Variants in CNBD1 observed in about 807,000 individuals in gnomAD.
CNBD1 encodes cyclic nucleotide-binding domain-containing protein 1.
CNBD1 carries 71 observed loss-of-function variants against 54.4 expected under a neutral mutation model. That is an observed-to-expected ratio of 1.30 (90% CI 1.08 to 1.59). CNBD1 has a LOEUF of 1.59. Ranked by LOEUF, CNBD1 falls within the 40% of genes most tolerant of loss-of-function variation. The pLI is 0.00. For synonymous variants in CNBD1, 182 were observed against 170.7 expected, an observed-to-expected ratio of 1.07 and a Z score of -0.51; for missense variants, 659 against 518.0, an observed-to-expected ratio of 1.27 and a Z score of -2.64.
At chr8:87,254,621 T>G (rs1807976042) in intron 6 of CNBD1, among the ~76,000 whole-genome samples, 1 of 152,134 alleles carries the variant, frequency 6.6e-6, no homozygotes, top group Non-Finnish European at 1.5e-5. Context: ...AACAAAGATA[T>G]GGATAATTTG....
At chr8:87,327,459 C>A (rs1482517696) in intron 8 of CNBD1, among the ~76,000 whole-genome samples, 1 of 152,218 alleles carries the variant, frequency 6.6e-6, no homozygotes, top group Non-Finnish European at 1.5e-5. Flanking sequence ...CAGCGAGATT[C>A]CGTGGGCGTA....
intron 6 of CNBD1, among the ~76,000 whole-genome samples, chr8:87,259,608 A>T (rs1309230524): frequency 6.6e-6 from 1 of 152,198 alleles, no homozygotes; most frequent in African/African-American, 2.4e-5. Flanking sequence ...TTTTATATAA[A>T]CATTACATAC....
chr8:86,906,748 A>G (rs985420060), intron 3 of CNBD1, among the ~76,000 whole-genome samples: 1 of 152,188 alleles, frequency 6.6e-6, no homozygotes, highest in Non-Finnish European at 1.5e-5. Flanking sequence ...CTGCTTCTTT[A>G]GTTAAGACAT....
intron 2 of CNBD1, among the ~76,000 whole-genome samples, chr8:87,418,708 A>G (rs898795631): frequency 1.3e-5 from 2 of 151,988 alleles, no homozygotes; most frequent in Non-Finnish European, 2.9e-5. Flanking sequence ...TGATTTAAAT[A>G]CAAATTTCTT....
intron 4 of CNBD1, among the ~76,000 whole-genome samples, chr8:87,025,128 A>G (rs1432949121): frequency 6.6e-6 from 1 of 152,138 alleles, no homozygotes; most frequent in Non-Finnish European, 1.5e-5. Context: ...TAAATGCACC[A>G]ATCAGCGCTC....
intron 8 of CNBD1, among the ~76,000 whole-genome samples, chr8:87,332,409 G>C (rs529294524): frequency 6.6e-6 from 1 of 151,412 alleles, no homozygotes; most frequent in Non-Finnish European, 1.5e-5. Flanking sequence ...CAGTTTTAGC[G>C]TTTGTTGTAA....
chr8:87,270,294 T>A (rs1394799526), intron 6 of CNBD1, among the ~76,000 whole-genome samples: 1 of 151,880 alleles, frequency 6.6e-6, no homozygotes, highest in Non-Finnish European at 1.5e-5. Context: ...CATTAAAAAG[T>A]AGGCAAAGGA....
intron 10 of CNBD1, among the ~76,000 whole-genome samples, chr8:87,373,930 T>C (rs1810871823): frequency 1.3e-5 from 2 of 151,930 alleles, no homozygotes; most frequent in South Asian, 4.1e-4. Context: ...AATATTTGTA[T>C]TGCAAAATAT....
chr8:87,324,692 C>G (rs1378985629), intron 8 of CNBD1, among the ~76,000 whole-genome samples: 2 of 151,790 alleles, frequency 1.3e-5, no homozygotes, highest in Non-Finnish European at 2.9e-5. Context: ...ATTCTTCTCT[C>G]TTTTTTTCTT....
chr8:87,375,982 C>T (rs987447700), intron 10 of CNBD1, among the ~76,000 whole-genome samples: 1 of 151,664 alleles, frequency 6.6e-6, no homozygotes, highest in Non-Finnish European at 1.5e-5. Context: ...ATTTAATGGG[C>T]TAATATTTAA....
At chr8:86,938,531 A>G (rs1809591725) in intron 3 of CNBD1, among the ~76,000 whole-genome samples, 1 of 152,262 alleles carries the variant, frequency 6.6e-6, no homozygotes, top group South Asian at 2.1e-4. Flanking sequence ...TCAAAGGCAA[A>G]TGAGCAAAGT....
intron 6 of CNBD1, among the ~76,000 whole-genome samples, chr8:87,257,976 C>A (rs1808055073): frequency 6.6e-6 from 1 of 152,018 alleles, no homozygotes; most frequent in Admixed American, 6.6e-5. Flanking sequence ...TTTTAGAAAT[C>A]CCATACAATT....
intron 3 of CNBD1, among the ~76,000 whole-genome samples, chr8:86,923,277 CTAAT>C (rs1448191046): frequency 6.6e-6 from 1 of 152,090 alleles, no homozygotes; most frequent in Non-Finnish European, 1.5e-5. Flanking sequence ...TTGTCTGTGG[CTAAT>C]TAAAGGCTGA....
At chr8:87,304,337 A>G (rs909483096) in intron 8 of CNBD1, among the ~76,000 whole-genome samples, 56 of 152,164 alleles carry the variant, frequency 3.7e-4, no homozygotes, top group Admixed American at 1.2e-3. Context: ...TCCTTTGTAG[A>G]GACATGGATG....
intron 2 of CNBD1, among the ~76,000 whole-genome samples, chr8:87,393,504 G>A (rs1811350332): frequency 6.6e-6 from 1 of 151,828 alleles, no homozygotes; most frequent in Non-Finnish European, 1.5e-5. Context: ...TCCGTAATCA[G>A]GAGTAGGCTT....
chr8:87,077,023 G>A (rs1810886705), intron 4 of CNBD1, among the ~76,000 whole-genome samples: 1 of 152,150 alleles, frequency 6.6e-6, no homozygotes, highest in Admixed American at 6.5e-5. Flanking sequence ...AAAATAATTT[G>A]TTGACAAAGC....
intron 6 of CNBD1, among the ~76,000 whole-genome samples, chr8:87,270,629 A>G (rs1808344161): frequency 6.6e-6 from 1 of 151,954 alleles, no homozygotes; most frequent in Admixed American, 6.6e-5. Flanking sequence ...AACCAAATAA[A>G]TATAAATCAT....
intron 8 of CNBD1, among the ~76,000 whole-genome samples, chr8:87,334,906 G>C (rs902952930): frequency 6.6e-6 from 1 of 151,692 alleles, no homozygotes; most frequent in African/African-American, 2.4e-5. Context: ...TGTACTTTTA[G>C]TAGAGACGGG....
intron 4 of CNBD1, among the ~76,000 whole-genome samples, chr8:87,071,237 T>A (rs1170491600): frequency 6.6e-6 from 1 of 152,118 alleles, no homozygotes; most frequent in Non-Finnish European, 1.5e-5. Context: ...GAAAATGCAA[T>A]TTTTCACCAC....
Sources: allele counts gnomAD v4.1 joint callset (sites outside exome capture counted in the v4.1 genomes callset), GRCh38; gene constraint gnomAD v4.1.1; transcripts MANE v1.5; gene names NCBI Gene and HGNC (gene_info 2026-07-23, HGNC 2026-07-21).